TNR: variants seen among roughly 807,000 people sequenced by gnomAD.
The protein encoded by TNR is tenascin R, also known as tenascin-R.
In TNR, 45 loss-of-function variants were observed where a neutral mutation model predicts 150.4. The observed-to-expected ratio is 0.30, with a 90% CI of 0.24 to 0.38. The LOEUF (loss-of-function observed/expected upper bound fraction) is 0.38, where lower values mean the gene tolerates loss of function less well. TNR is among the 10% of genes least tolerant of loss of function. The probability of loss-of-function intolerance (pLI) is 1.00; values close to 1 mark genes in which losing one functional copy is unlikely to be tolerated. For missense variants in TNR, 1,544 were observed against 1,759.1 expected, an observed-to-expected ratio of 0.88 and a Z score of 2.19; for synonymous variants, 687 against 678.4, an observed-to-expected ratio of 1.01 and a Z score of -0.20.
chr1:175,479,979 A>G (rs1657711815), intron 2 of TNR, among the ~76,000 whole-genome samples: 1 of 152,096 alleles, frequency 6.6e-6, no homozygotes, highest in Non-Finnish European at 1.5e-5. Context: ...GTTCCTCAGA[A>G]GGTGCAAGGT....
chr1:175,682,273 T>C (rs116673360), intron 1 of TNR, among the ~76,000 whole-genome samples: 41 of 152,046 alleles, frequency 2.7e-4, no homozygotes, highest in Non-Finnish European at 4.6e-4. Flanking sequence ...TATCACTTAC[T>C]GTGAGCTTCC....
intron 1 of TNR, among the ~76,000 whole-genome samples, chr1:175,623,525 G>T (rs1402314801): frequency 6.6e-6 from 1 of 152,100 alleles, no homozygotes; most frequent in African/African-American, 2.4e-5. Context: ...TCTTTTTCTG[G>T]CCACATTGCT....
intron 18 of TNR, among the ~76,000 whole-genome samples, 159 bp downstream of exon 18, chr1:175,354,232 G>A (rs1651209285): frequency 6.6e-6 from 1 of 152,220 alleles, no homozygotes. Flanking sequence ...CCTTGTTAGT[G>A]AGAGGTTTCC....
chr1:175,328,234 T>C (rs1271891463), intron 21 of TNR, among the ~76,000 whole-genome samples: 1 of 152,250 alleles, frequency 6.6e-6, no homozygotes, highest in Non-Finnish European at 1.5e-5. Context: ...ATGCTTCTTT[T>C]GAGTCCCCAC....
At chr1:175,406,169 C>T (rs771767985) in intron 3 of TNR, 47 bp downstream of exon 3, 3 of 1,586,098 alleles carry the variant, frequency 1.9e-6, no homozygotes, top group East Asian at 4.5e-5. Flanking sequence ...TCTGCTCAGC[C>T]CTCTCCTTCC....
At chr1:175,421,458 C>G (rs1282989335) in intron 2 of TNR, among the ~76,000 whole-genome samples, 1 of 152,184 alleles carries the variant, frequency 6.6e-6, no homozygotes, top group African/African-American at 2.4e-5. Context: ...AAGCCCAAAG[C>G]AGGTGAGCTA....
At position 175,396,628 on chromosome 1, in the gene TNR, C is replaced by G; in HGVS notation, c.1156G>C (p.Glu386Gln). The change falls in exon 5 of 23, where the codon GAG (glutamate) becomes CAG (glutamine). Residue 386 changes from glutamate to glutamine, a missense_variant. By Grantham distance (29) the Glu-to-Gln change is conservative. Transcript: ENST00000367674. Reference protein sequence around the residue: ...DWSGVTITELEPGLTYNISVY... With the variant: ...DWSGVTITELQPGLTYNISVY... Reference sequence around the variant, plus strand: ...CTGATGTTGTAGGTGAGACCTGGCTCCAGCTCCGTGATGGTGACACCACTC... The same window carrying G: ...CTGATGTTGTAGGTGAGACCTGGCTGCAGCTCCGTGATGGTGACACCACTC... 3.1e-6 allele frequency: 5 copies of G among 1,614,236 alleles called. No individual in the cohort carries two copies. Among genetic ancestry groups the G allele is most frequent in the Non-Finnish European group, 3.4e-6 (4 of 1,180,034 alleles).
chr1:175,669,284 A>G (rs540651973), intron 1 of TNR, among the ~76,000 whole-genome samples: 2 of 152,326 alleles, frequency 1.3e-5, no homozygotes, highest in Non-Finnish European at 2.9e-5. Flanking sequence ...AGTAGAAAAC[A>G]TTCCCTGGGA....
chr1:175,459,654 T>C (rs1360431646), intron 2 of TNR, among the ~76,000 whole-genome samples: 1 of 152,190 alleles, frequency 6.6e-6, no homozygotes, highest in Non-Finnish European at 1.5e-5. Flanking sequence ...TTCTTCACAG[T>C]TCCAGGAGGT....
chr1:175,656,116 AG>A (rs2101893140), intron 1 of TNR, among the ~76,000 whole-genome samples: 1 of 149,286 alleles, frequency 6.7e-6, no homozygotes, highest in African/African-American at 2.5e-5. Context: ...CTATCCTTAC[AG>A]GGGAAGACGG....
intron 4 of TNR, among the ~76,000 whole-genome samples, chr1:175,400,964 G>T (rs1193209132): frequency 6.6e-6 from 1 of 152,156 alleles, no homozygotes; most frequent in Non-Finnish European, 1.5e-5. Flanking sequence ...GGTGGCTCTA[G>T]GGTTGCTATA....
chr1:175,512,781 A>G (rs1219902776), intron 2 of TNR, among the ~76,000 whole-genome samples: 1 of 152,214 alleles, frequency 6.6e-6, no homozygotes, highest in African/African-American at 2.4e-5. Flanking sequence ...GAAACGCATT[A>G]GTTCCTGGGG....
chr1:175,610,054 G>A (rs1663541918), intron 1 of TNR, among the ~76,000 whole-genome samples: 1 of 152,178 alleles, frequency 6.6e-6, no homozygotes, highest in South Asian at 2.1e-4. Context: ...AAACAATTTT[G>A]AACATAAGCA....
intron 1 of TNR, among the ~76,000 whole-genome samples, chr1:175,680,460 G>A (rs950265727): frequency 1.9e-4 from 29 of 152,280 alleles, no homozygotes; most frequent in African/African-American, 7.0e-4. Context: ...TGGGAAAGGG[G>A]AAGTGAGAGA....
chr1:175,521,102 G>A (rs150667681), intron 2 of TNR, among the ~76,000 whole-genome samples: 3,995 of 152,258 alleles, frequency 0.026, 74 homozygotes, highest in Non-Finnish European at 0.039. Context: ...GATGAGGATG[G>A]GATGGGGAGT....
intron 2 of TNR, among the ~76,000 whole-genome samples, chr1:175,507,152 C>T (rs1221317422): frequency 6.6e-6 from 1 of 152,162 alleles, no homozygotes; most frequent in African/African-American, 2.4e-5. Flanking sequence ...TGAGCCTCCA[C>T]CTCCCTCTGC....
chr1:175,476,391 T>C (rs1050955082), intron 2 of TNR, among the ~76,000 whole-genome samples: 2 of 152,182 alleles, frequency 1.3e-5, no homozygotes, highest in Non-Finnish European at 2.9e-5. Flanking sequence ...CAGACTTCCA[T>C]TTTGCTTTTG....
chr1:175,475,987 C>T (rs1657529732), intron 2 of TNR, among the ~76,000 whole-genome samples: 1 of 152,116 alleles, frequency 6.6e-6, no homozygotes, highest in African/African-American at 2.4e-5. Flanking sequence ...AACATTAAAG[C>T]CAATGATGTG....
chr1:175,665,847 G>A lies in TNR; in HGVS notation c.-165+77379C>T, dbSNP rs1228094609. Among the ~76,000 whole-genome samples the A allele has an allele frequency of 3.3e-5, 5 of 152,246 alleles. No homozygotes were observed. The South Asian group carries it at 6.2e-4, about 19-fold the overall frequency. Reference sequence around the variant, plus strand: ...ACAGGAAATGCCCTGTGATTATTACGTTCATGGTACAATGGAACAAGGGAC... The same window carrying A: ...ACAGGAAATGCCCTGTGATTATTACATTCATGGTACAATGGAACAAGGGAC... On this transcript the variant is annotated intron_variant, in intron 1 of 22. Coordinates refer to ENST00000367674, the MANE Select transcript of TNR (RefSeq NM_003285.3).
Sources: gnomAD v4.1 joint callset for allele counts (sites outside exome capture counted in the v4.1 genomes callset) on GRCh38, gnomAD v4.1.1 for gene constraint, MANE v1.5 for transcripts, NCBI Gene and HGNC (gene_info 2026-07-23, HGNC 2026-07-21) for gene names.